Variants in HDAC9 observed in about 807,000 individuals in gnomAD.
The protein encoded by HDAC9 is histone deacetylase 9.
In HDAC9, 41 loss-of-function variants were observed where a neutral mutation model predicts 139.4. The ratio of observed to expected loss-of-function variants is 0.29; its 90% CI spans 0.23 to 0.38. The LOEUF is 0.38. Ranked by LOEUF, HDAC9 falls within the 10% of genes least tolerant of loss-of-function variation. The probability of loss-of-function intolerance (pLI) is 1.00; values close to 1 mark genes in which losing one functional copy is unlikely to be tolerated. For missense variants in HDAC9, 1,147 were observed against 1,297.0 expected, an observed-to-expected ratio of 0.88 and a Z score of 1.78; for synonymous variants, 517 against 476.2, an observed-to-expected ratio of 1.09 and a Z score of -1.12.
At chr7:18,936,036 A>C in intron 23 of HDAC9, 94 bp downstream of exon 23, 1 of 1,200,820 alleles carries the variant, frequency 8.3e-7, no homozygotes, top group South Asian at 1.5e-5. Flanking sequence ...CATACTCAGA[A>C]AGCTTAACAT....
intron 6 of HDAC9, among the ~76,000 whole-genome samples, chr7:18,607,322 G>A (rs564772275): frequency 6.6e-6 from 1 of 152,278 alleles, no homozygotes; most frequent in African/African-American, 2.4e-5. Flanking sequence ...GACAAAGCAT[G>A]GAAAATAATT....
At chr7:18,984,287 G>C (rs768532784) in intron 25 of HDAC9, among the ~76,000 whole-genome samples, 1 of 152,070 alleles carries the variant, frequency 6.6e-6, no homozygotes, top group African/African-American at 2.4e-5. Flanking sequence ...GTATATGAGT[G>C]CAAACTTTGG....
At chr7:18,658,523 T>C (rs1792023462) in intron 11 of HDAC9, among the ~76,000 whole-genome samples, 3 of 152,288 alleles carry the variant, frequency 2.0e-5, no homozygotes, top group Non-Finnish European at 4.4e-5. Context: ...TGAACCTCTT[T>C]AATATTGCTT....
intron 1 of HDAC9, among the ~76,000 whole-genome samples, chr7:18,155,234 T>C (rs1562684443): frequency 6.6e-6 from 1 of 151,612 alleles, no homozygotes; most frequent in Non-Finnish European, 1.5e-5. Context: ...AGGAGGGGAG[T>C]TGCAGATAGG....
At chr7:18,733,712 T>C (rs186923316) in intron 13 of HDAC9, among the ~76,000 whole-genome samples, 1 of 151,954 alleles carries the variant, frequency 6.6e-6, no homozygotes, top group Admixed American at 6.6e-5. Flanking sequence ...TATATTTTTT[T>C]GGGGGTATGC....
At chr7:18,374,743 A>C (rs1370901070) in intron 1 of HDAC9, among the ~76,000 whole-genome samples, 1 of 152,070 alleles carries the variant, frequency 6.6e-6, no homozygotes, top group African/African-American at 2.4e-5. Context: ...TAAAGTCTAT[A>C]TATTTAGATC....
chr7:18,103,966 C>G lies in HDAC9; in HGVS notation c.-97+16753C>G, dbSNP rs868170404. On this transcript the variant is annotated intron_variant, in intron 1 of 12. Transcript: ENST00000417496. ...TTCAGGGCACCAGTTGGGAACCAGC[C>G]CCGGACAGGATGCCATCCCATCTCA... is the stretch of plus-strand genomic sequence containing the variant. 4.6e-5 allele frequency among the ~76,000 whole-genome samples: 7 copies of G among 152,250 alleles called. No individual in the cohort carries two copies. In the Middle Eastern group the frequency reaches 0.01, roughly 223 times the overall value.
At chr7:18,167,701 T>G (rs1788101979) in intron 2 of HDAC9, among the ~76,000 whole-genome samples, 2 of 152,154 alleles carry the variant, frequency 1.3e-5, no homozygotes, top group Non-Finnish European at 2.9e-5. Context: ...GTGAGAGGTT[T>G]CCAAAGGTAC....
chr7:18,668,880 G>A (rs1016806050), intron 12 of HDAC9: 5 of 982,228 alleles, frequency 5.1e-6, no homozygotes, highest in Admixed American at 6.3e-5. Context: ...TAAACTTGCC[G>A]TATTTAATCG....
At chr7:18,596,655 C>T (rs1832590470) in intron 6 of HDAC9, among the ~76,000 whole-genome samples, 1 of 152,066 alleles carries the variant, frequency 6.6e-6, no homozygotes, top group East Asian at 1.9e-4. Context: ...GGAAGAGTGT[C>T]ATTGATCATA....
At chr7:18,763,131 G>T (rs1329199948) in intron 15 of HDAC9, among the ~76,000 whole-genome samples, 1 of 152,148 alleles carries the variant, frequency 6.6e-6, no homozygotes, top group African/African-American at 2.4e-5. Flanking sequence ...TCAGCTCTAA[G>T]TTATTGAACT....
chr7:18,591,475 ATGTGTGTGTG>A (rs36100341), intron 4 of HDAC9, 31 bp from the exon 5 acceptor site: 57 of 1,474,136 alleles, frequency 3.9e-5, no homozygotes, highest in Middle Eastern at 3.6e-4. Flanking sequence ...CTGTGTGTGT[ATGTGTGTGTG>A]TGTGTGTGTG....
chr7:18,600,639 CTG>C (rs1410572095), intron 6 of HDAC9, among the ~76,000 whole-genome samples: 1 of 152,118 alleles, frequency 6.6e-6, no homozygotes, highest in African/African-American at 2.4e-5. Flanking sequence ...ATCTACTTGT[CTG>C]TTCTTTTGCC....
chr7:18,945,951 C>T (rs1262004272), intron 23 of HDAC9, among the ~76,000 whole-genome samples: 5 of 136,700 alleles, frequency 3.7e-5, no homozygotes, highest in East Asian at 2.4e-4. Flanking sequence ...GCTGGAGAAT[C>T]GGTTGAACCC....
In HDAC9 at chr7:18,722,731, C is replaced by A. The variant is rs548137292; in HGVS notation, c.1732-4849C>A. On this transcript the variant is annotated intron_variant, in intron 12 of 25. Coordinates refer to ENST00000686413, the MANE Select transcript of HDAC9 (RefSeq NM_178425.4). ...TGGTTTACTGGATTATTATAACTCT[C>A]CTTATACATTGAAAGCCATATTTCA... Among the ~76,000 whole-genome samples, 3 of 152,170 alleles carry A rather than the reference C, an allele frequency of 2.0e-5. No individual in the cohort carries two copies. The South Asian group carries it at 6.2e-4, about 32-fold the overall frequency.
At chr7:18,290,760 G>A (rs528193816) in intron 1 of HDAC9, among the ~76,000 whole-genome samples, 2 of 152,144 alleles carry the variant, frequency 1.3e-5, no homozygotes, top group Non-Finnish European at 2.9e-5. Context: ...CAAGACTAAA[G>A]TATTTTGGGG....
chr7:18,327,287 C>G (rs149861042), intron 1 of HDAC9, among the ~76,000 whole-genome samples: 256 of 151,826 alleles, frequency 1.7e-3, no homozygotes, highest in African/African-American at 6.1e-3. Flanking sequence ...AATCTGGTAA[C>G]TAAAATATTA....
chr7:18,859,090 G>A (rs950424775), intron 21 of HDAC9, among the ~76,000 whole-genome samples: 7 of 152,060 alleles, frequency 4.6e-5, no homozygotes, highest in Admixed American at 6.6e-5. Context: ...GAAACAACTT[G>A]ACTGATTATC....
At chr7:18,425,924 A>T (rs1790075238) in intron 1 of HDAC9, among the ~76,000 whole-genome samples, 1 of 152,202 alleles carries the variant, frequency 6.6e-6, no homozygotes, top group African/African-American at 2.4e-5. Context: ...GCCAAGCCAG[A>T]AGATATTTTT....
Sources: allele counts gnomAD v4.1 joint callset (sites outside exome capture counted in the v4.1 genomes callset), GRCh38; gene constraint gnomAD v4.1.1; transcripts MANE v1.5; gene names NCBI Gene and HGNC (gene_info 2026-07-23, HGNC 2026-07-21).